Variants in ZNF280D observed in about 807,000 individuals in gnomAD.
The protein encoded by ZNF280D is suppressor of hairy wing homolog 4.
ZNF280D carries 39 observed loss-of-function variants against 94.7 expected under a neutral mutation model. The ratio of observed to expected loss-of-function variants is 0.41; its 90% confidence interval spans 0.32 to 0.54. The LOEUF (loss-of-function observed/expected upper bound fraction) is 0.54, where lower values mean the gene tolerates loss of function less well. Ranked by LOEUF, ZNF280D falls within the 20% of genes least tolerant of loss-of-function variation. The pLI, the probability that ZNF280D is intolerant of heterozygous loss-of-function variation, is 0.22. For synonymous variants in ZNF280D, 398 were observed against 377.6 expected, an observed-to-expected ratio of 1.05 and a Z score of -0.63; for missense variants, 1,090 against 1,149.3, an observed-to-expected ratio of 0.95 and a Z score of 0.75.
chr15:56,665,788 T>C (rs1043052309), intron 16 of ZNF280D, among the ~76,000 whole-genome samples: 9 of 150,462 alleles, frequency 6.0e-5, no homozygotes, highest in Non-Finnish European at 1.2e-4. Context: ...TAAAATTCTG[T>C]TGGAAAGTAA....
intron 9 of ZNF280D, among the ~76,000 whole-genome samples, chr15:56,683,545 A>G (rs2079199873): frequency 6.6e-6 from 1 of 152,146 alleles, no homozygotes; most frequent in African/African-American, 2.4e-5. Flanking sequence ...TATGTACTTT[A>G]ATGCCATATA....
In ZNF280D at chr15:56,632,423, A is replaced by C. The variant is rs374023043; in HGVS notation, c.2316-301T>G. On this transcript the variant is annotated intron_variant, in intron 21 of 21. Transcript: ENST00000267807. The stretch of plus-strand genomic sequence containing the variant: ...CTTGCCTGTTTCTAGTTTAAATTTA[A>C]GTATTTTTATTAACTTGTAAAAGTA... 3.1e-4 allele frequency among the ~76,000 whole-genome samples: 47 copies of C among 152,076 alleles called. No individual in the cohort carries two copies. In the South Asian group the frequency reaches 7.9e-3, roughly 25 times the overall value.
chr15:56,678,012 T>TC (rs1351968528), intron 11 of ZNF280D, among the ~76,000 whole-genome samples: 4 of 151,074 alleles, frequency 2.6e-5, no homozygotes. Flanking sequence ...TCTTTCTTTT[T>TC]TTTTTTTTTT....
intron 14 of ZNF280D, chr15:56,667,942 A>G (rs2054406604): frequency 5.0e-6 from 1 of 199,852 alleles, no homozygotes; most frequent in South Asian, 7.0e-5. Context: ...TATCATTATC[A>G]TTAATATTAT....
intron 1 of ZNF280D, among the ~76,000 whole-genome samples, chr15:56,709,827 G>A (rs1187713456): frequency 2.0e-5 from 3 of 152,066 alleles, no homozygotes; most frequent in East Asian, 1.9e-4. Context: ...TTGGACACAG[G>A]AAGGGGAACA....
At chr15:56,683,340 T>G (rs375775535) in intron 9 of ZNF280D, among the ~76,000 whole-genome samples, 1 of 151,988 alleles carries the variant, frequency 6.6e-6, no homozygotes, top group Non-Finnish European at 1.5e-5. Flanking sequence ...CCTTAAGAGA[T>G]GAGAACCAAG....
At chr15:56,642,194 C>G (rs2052662697) in intron 20 of ZNF280D, among the ~76,000 whole-genome samples, 1 of 151,728 alleles carries the variant, frequency 6.6e-6, no homozygotes, top group African/African-American at 2.4e-5. Flanking sequence ...AAACCTGCAT[C>G]TGTTAAAGAA....
chr15:56,690,728 T>C lies in ZNF280D; in HGVS notation c.500-1258A>G, dbSNP rs369337928. On this transcript the variant is annotated intron_variant, in intron 7 of 21. Coordinates refer to ENST00000267807, the MANE Select transcript of ZNF280D (RefSeq NM_017661.4). The stretch of plus-strand genomic sequence containing the variant: ...GAAAAGTTTTTTTTTGAAAATAACA[T>C]ACAACTGTACTTTGTAAAAGAGATT... Among the ~76,000 whole-genome samples the C allele has an allele frequency of 2.0e-5, 3 of 152,160 alleles. No homozygotes were observed. The South Asian group carries it at 6.2e-4, about 32-fold the overall frequency.
intron 10 of ZNF280D, among the ~76,000 whole-genome samples, chr15:56,681,391 T>C (rs922552343): frequency 3.9e-5 from 6 of 152,130 alleles, no homozygotes; most frequent in Admixed American, 1.3e-4. Context: ...AAAAATCAGA[T>C]AGTTCTAAGA....
rs141343391 is a variant in ZNF280D, at chr15:56,675,584, T to C, written c.1410+1086A>G. ...GTAATTCTTACTATATGTAATTTACTATATGTAATTGGGGAAACCTTAGAA... is the reference window on the plus strand; with the variant it reads ...GTAATTCTTACTATATGTAATTTACCATATGTAATTGGGGAAACCTTAGAA... On this transcript the variant is annotated intron_variant, in intron 13 of 21. Transcript: ENST00000267807. Among the ~76,000 whole-genome samples the C allele has an allele frequency of 9.2e-5, 14 of 152,148 alleles. No homozygotes were observed. In the East Asian group the frequency reaches 2.7e-3, roughly 29 times the overall value.
At chr15:56,634,883 C>CT (rs2052273207) in intron 21 of ZNF280D, among the ~76,000 whole-genome samples, 1 of 152,056 alleles carries the variant, frequency 6.6e-6, no homozygotes, top group African/African-American at 2.4e-5. Flanking sequence ...CATGCAGCAT[C>CT]TTGTAAATGT....
chr15:56,631,738 T>G lies in ZNF280D; in HGVS notation c.2700A>C (p.Arg900Ser). 2 of 1,614,168 alleles carry G rather than the reference T, an allele frequency of 1.2e-6. No homozygotes were observed. The highest frequency in any genetic ancestry group is 1.7e-6 in the Non-Finnish European group (2 of 1,180,010). ...NVSIDQFLRK[R>S]HEPESVSSDV... Reference sequence around the variant, plus strand: ...CAGAACTAACAGATTCAGGTTCATGTCTTTTTCTCAAAAACTGATCAATGC... The same window carrying G: ...CAGAACTAACAGATTCAGGTTCATGGCTTTTTCTCAAAAACTGATCAATGC... Residue 900 changes from arginine to serine, a missense_variant, in exon 22 of 22, where the codon AGA becomes AGC. This residue lies in a region of ZNF280D where 577 missense variants were observed against 568.8 expected (regional missense o/e 1.01). Coordinates refer to ENST00000267807, the MANE Select transcript of ZNF280D (RefSeq NM_017661.4).
intron 1 of ZNF280D, among the ~76,000 whole-genome samples, chr15:56,731,330 C>A (rs1467500888): frequency 2.0e-5 from 3 of 151,730 alleles, no homozygotes; most frequent in Non-Finnish European, 4.4e-5. Flanking sequence ...CGGCAAAACC[C>A]CATCTCTACA....
chr15:56,689,574 T>A (rs914233676), intron 7 of ZNF280D, 104 bp from the exon 8 acceptor site: 2 of 723,020 alleles, frequency 2.8e-6, no homozygotes, highest in South Asian at 3.3e-5. Context: ...TATAATTGAA[T>A]TATCATATCA....
chr15:56,716,585 C>T (rs1254580243), intron 1 of ZNF280D, among the ~76,000 whole-genome samples: 1 of 151,352 alleles, frequency 6.6e-6, no homozygotes, highest in Non-Finnish European at 1.5e-5. Context: ...AATGAAGCAC[C>T]TATGGACTGT....
intron 1 of ZNF280D, among the ~76,000 whole-genome samples, chr15:56,718,982 TAG>T (rs1238325185): frequency 6.6e-6 from 1 of 152,226 alleles, no homozygotes; most frequent in African/African-American, 2.4e-5. Flanking sequence ...TTTAACTCTT[TAG>T]AGATTCTCCA....
At chr15:56,726,789 C>T (rs1020324256) in intron 1 of ZNF280D, among the ~76,000 whole-genome samples, 26 of 152,280 alleles carry the variant, frequency 1.7e-4, no homozygotes, top group African/African-American at 5.8e-4. Context: ...AAACTGAAGA[C>T]ATTTTTGTAG....
At chr15:56,665,343 G>A (rs1353605589) in intron 16 of ZNF280D, among the ~76,000 whole-genome samples, 1 of 151,944 alleles carries the variant, frequency 6.6e-6, no homozygotes, top group African/African-American at 2.4e-5. Flanking sequence ...AACAACTTTT[G>A]CCTACTTAAA....
chr15:56,677,737 AC>A (rs2055328240), intron 11 of ZNF280D, 63 bp from the exon 12 acceptor site: 1 of 592,132 alleles, frequency 1.7e-6, no homozygotes, highest in African/African-American at 2.0e-5. Context: ...TTAATTTTAT[AC>A]ATCTATATCA....
Sources: allele counts gnomAD v4.1 joint callset (sites outside exome capture counted in the v4.1 genomes callset), GRCh38; gene constraint gnomAD v4.1.1; regional missense constraint gnomAD v4.1.1; transcripts MANE v1.5; gene names NCBI Gene and HGNC (gene_info 2026-07-23, HGNC 2026-07-21).